The following GLI2 variants were observed in gnomAD, a reference collection of about 807,000 sequenced individuals.
The protein encoded by GLI2 is GLI family zinc finger 2, also known as transcription activator GLI2.
A neutral mutation model predicts 78.9 loss-of-function variants in GLI2; 22 were observed. That is an observed-to-expected ratio of 0.28 (90% CI 0.20 to 0.40). The LOEUF (loss-of-function observed/expected upper bound fraction) is 0.40. Ranked by LOEUF, GLI2 falls within the 10% of genes least tolerant of loss-of-function variation. The pLI is 1.00. For synonymous variants in GLI2, 974 were observed against 963.7 expected (o/e 1.01, Z -0.20); for missense variants, 2,097 against 2,213.2 (o/e 0.95, Z 1.05).
At chr2:120,753,597 A>G (rs1466022320) in intron 1 of GLI2, among the ~76,000 whole-genome samples, 1 of 152,092 alleles carries the variant, frequency 6.6e-6, no homozygotes. Context: ...TACGTTTATC[A>G]TAAATTAAAG....
chr2:120,842,821 G>A (rs549305795), intron 2 of GLI2, among the ~76,000 whole-genome samples: 23 of 152,348 alleles, frequency 1.5e-4, no homozygotes, highest in South Asian at 4.1e-4. Flanking sequence ...AGAAGGCATA[G>A]GACATAGTTT....
At chr2:120,879,004 T>A (rs1391546175) in intron 2 of GLI2, among the ~76,000 whole-genome samples, 1 of 152,102 alleles carries the variant, frequency 6.6e-6, no homozygotes, top group East Asian at 1.9e-4. Flanking sequence ...TATCTCAGCA[T>A]CCTCAGAAGC....
intron 2 of GLI2, among the ~76,000 whole-genome samples, chr2:120,859,403 G>T (rs902126089): frequency 1.3e-5 from 2 of 150,974 alleles, no homozygotes; most frequent in African/African-American, 4.9e-5. Context: ...GGGAAGCTGT[G>T]TTGAGTGAAT....
At chr2:120,877,371 T>A (rs751000258) in intron 2 of GLI2, among the ~76,000 whole-genome samples, 1 of 152,182 alleles carries the variant, frequency 6.6e-6, no homozygotes, top group Non-Finnish European at 1.5e-5. Flanking sequence ...AAAAAAAATA[T>A]GCAAATACAA....
At chr2:120,786,713 C>T (rs894076255) in intron 1 of GLI2, among the ~76,000 whole-genome samples, 1 of 151,852 alleles carries the variant, frequency 6.6e-6, no homozygotes, top group African/African-American at 2.4e-5. Flanking sequence ...CTGGCAAACA[C>T]TGCCCATGGC....
chr2:120,917,356 G>A (rs762966185), intron 2 of GLI2, among the ~76,000 whole-genome samples: 24 of 152,240 alleles, frequency 1.6e-4, no homozygotes, highest in Non-Finnish European at 2.9e-4. Flanking sequence ...TGTAGCCAGT[G>A]GTGCATCTGT....
chr2:120,841,453 A>G (rs559024525), intron 2 of GLI2, among the ~76,000 whole-genome samples: 65 of 152,266 alleles, frequency 4.3e-4, no homozygotes, highest in Middle Eastern at 3.4e-3. Context: ...AGGACACTTG[A>G]CCATTTTGTG....
rs80304894 is a variant in GLI2 at position 120,809,170 on chromosome 2, A to G, written c.148+11702A>G. ...AGAACGTGGTATGTATGTACAATGGAATATTACTGAGTCATAAAAAGGAGT... is the reference window on the plus strand; with the variant it reads ...AGAACGTGGTATGTATGTACAATGGGATATTACTGAGTCATAAAAAGGAGT... On this transcript the variant is annotated intron_variant, in intron 2 of 13. Coordinates refer to ENST00000361492, the MANE Select transcript of GLI2 (RefSeq NM_001374353.1). Among the ~76,000 whole-genome samples, 343 of 152,374 alleles carry G rather than the reference A, an allele frequency of 2.3e-3. 2 individuals carry two copies. The highest frequency in any genetic ancestry group is 6.9e-3 in the Admixed American group (105 of 15,306).
chr2:120,850,061 G>C (rs1262845510), intron 2 of GLI2, among the ~76,000 whole-genome samples: 1 of 152,214 alleles, frequency 6.6e-6, no homozygotes, highest in Non-Finnish European at 1.5e-5. Flanking sequence ...TACAAAGGCA[G>C]GTGATGGAGT....
chr2:120,989,483 G>T lies in GLI2; in HGVS notation c.3518G>T (p.Gly1173Val), dbSNP rs774621554. The part of the protein sequence containing the change: ...FGQYPGYSPQ[G>V]LQASPGGLDS... ...CAGTACCCGGGCTACAGTCCGCAAG[G>T]CCTACAGGCTAGCCCTGGGGGCCTG... Residue 1173 changes from glycine to valine, a missense_variant, in exon 14 of 14, where the codon GGC (glycine) becomes GTC (valine). Physicochemically the swap from Gly to Val is moderately radical, Grantham distance 109. Around this residue, in one of 5 missense-constraint regions of GLI2, gnomAD observed 1,290 missense variants for 1,261.7 expected, o/e 1.02. Coordinates refer to ENST00000361492, the MANE Select transcript of GLI2 (RefSeq NM_001374353.1). The T allele has an allele frequency of 1.5e-5, 24 of 1,612,988 alleles. No individual in the cohort carries two copies. The Admixed American group carries it at 3.8e-4, about 26-fold the overall frequency.
At chr2:120,874,481 C>T (rs752968207) in intron 2 of GLI2, among the ~76,000 whole-genome samples, 1 of 152,242 alleles carries the variant, frequency 6.6e-6, no homozygotes, top group South Asian at 2.1e-4. Context: ...CCTAGCCATG[C>T]TGGCTTCTCC....
chr2:120,803,448 C>T (rs951468474), intron 2 of GLI2, among the ~76,000 whole-genome samples: 2 of 152,234 alleles, frequency 1.3e-5, no homozygotes, highest in Non-Finnish European at 2.9e-5. Flanking sequence ...TTTTCTAGAT[C>T]TGCATACTCT....
intron 2 of GLI2, among the ~76,000 whole-genome samples, chr2:120,857,806 T>C (rs1288224327): frequency 3.3e-5 from 5 of 149,594 alleles, no homozygotes; most frequent in Non-Finnish European, 6.0e-5. Context: ...TGATCTCTTT[T>C]TGCACGCACA....
chr2:120,986,196 G>A (rs934139885), intron 12 of GLI2, 82 bp from the exon 13 acceptor site: 2 of 1,284,762 alleles, frequency 1.6e-6, no homozygotes, highest in Non-Finnish European at 2.2e-6. Context: ...GCGAGGGTGT[G>A]GTGCCTGTGC....
At chr2:120,813,898 G>T (rs1427125102) in intron 2 of GLI2, among the ~76,000 whole-genome samples, 1 of 152,148 alleles carries the variant, frequency 6.6e-6, no homozygotes, top group East Asian at 1.9e-4. Flanking sequence ...TTAGAAGCAG[G>T]CTCTTAAGAG....
intron 1 of GLI2, among the ~76,000 whole-genome samples, chr2:120,761,043 C>T (rs192082709): frequency 3.3e-5 from 5 of 152,234 alleles, no homozygotes; most frequent in East Asian, 3.9e-4. Flanking sequence ...CTGCAGTGAA[C>T]GCTGTGGCCA....
intron 5 of GLI2, among the ~76,000 whole-genome samples, chr2:120,958,728 C>T (rs1681397311): frequency 6.6e-6 from 1 of 152,206 alleles, no homozygotes; most frequent in Non-Finnish European, 1.5e-5. Context: ...GAGCTCATTC[C>T]TGCACAGAGT....
intron 3 of GLI2, among the ~76,000 whole-genome samples, chr2:120,929,973 G>T (rs1057259039): frequency 6.6e-6 from 1 of 152,196 alleles, no homozygotes; most frequent in African/African-American, 2.4e-5. Flanking sequence ...ATTTGGGAGG[G>T]GGTTGCTGTT....
chr2:120,954,386 T>C (rs537230068), intron 4 of GLI2, among the ~76,000 whole-genome samples: 1 of 152,232 alleles, frequency 6.6e-6, no homozygotes, highest in South Asian at 2.1e-4. Context: ...GCCCGGACTC[T>C]TGGGAGATGC....
Sources: allele counts gnomAD v4.1 joint callset (sites outside exome capture counted in the v4.1 genomes callset), GRCh38; gene constraint gnomAD v4.1.1; regional missense constraint gnomAD v4.1.1; transcripts MANE v1.5; gene names NCBI Gene and HGNC (gene_info 2026-07-23, HGNC 2026-07-21).